RFTN1: variants seen among roughly 807,000 people sequenced by gnomAD.
RFTN1 encodes the protein raftlin, lipid raft linker 1.
In RFTN1, 26 loss-of-function variants were observed where a neutral mutation model predicts 46.5. The ratio of observed to expected loss-of-function variants is 0.56; its 90% confidence interval spans 0.41 to 0.78. RFTN1 has a LOEUF of 0.78. Ranked by LOEUF, RFTN1 falls within the 30% of genes least tolerant of loss-of-function variation. RFTN1 has a pLI of 0.00. For missense variants in RFTN1, 693 were observed against 718.7 expected (o/e 0.96, Z 0.41); for synonymous variants, 261 against 284.2 (o/e 0.92, Z 0.82).
chr3:16,369,199 T>C (rs1427056420), intron 6 of RFTN1, among the ~76,000 whole-genome samples: 5 of 152,248 alleles, frequency 3.3e-5, no homozygotes, highest in African/African-American at 9.6e-5. Flanking sequence ...ATTTCAAGGA[T>C]TGCAAACAAT....
At chr3:16,386,330 T>C (rs1223263874) in intron 4 of RFTN1, among the ~76,000 whole-genome samples, 1 of 152,236 alleles carries the variant, frequency 6.6e-6, no homozygotes, top group Admixed American at 6.5e-5. Context: ...ACTGAGAGCT[T>C]ACTGTATGCC....
Position 16,449,057 on chromosome 3 carries a change from T to C in RFTN1, c.146-15020A>G, listed in dbSNP as rs2075781796. ...GTGGTATTAATGTTTCAACTTAACATAGTTTTCCCCTTCCTGTACTTTCTG... is the reference window on the plus strand; with the variant it reads ...GTGGTATTAATGTTTCAACTTAACACAGTTTTCCCCTTCCTGTACTTTCTG... On this transcript the variant is annotated intron_variant, in intron 2 of 9. Transcript: ENST00000334133. This position sits in a 1 kb window ranked among gnomAD's most constrained non-coding sequence, Gnocchi z 5.1. Among the ~76,000 whole-genome samples the C allele has an allele frequency of 1.3e-5, 2 of 152,330 alleles. No individual in the cohort carries two copies. The highest frequency in any genetic ancestry group is 4.1e-4 in the South Asian group (2 of 4,824).
intron 3 of RFTN1, among the ~76,000 whole-genome samples, chr3:16,415,292 T>C (rs1386182578): frequency 6.6e-6 from 1 of 151,526 alleles, no homozygotes; most frequent in South Asian, 2.1e-4. Context: ...AGAACTATCA[T>C]GGGGAAGGGT....
Position 16,383,311 on chromosome 3 carries a change from C to G in RFTN1, c.442-5209G>C, listed in dbSNP as rs369182721. ...ATTTCTGCTGCCTGTAAGAACCCAC[C>G]TGCCCCAAATACTTAAAGAGTAACA... On this transcript the variant is annotated intron_variant, in intron 4 of 9. Transcript: ENST00000334133. The surrounding 1 kb of genome is among the most constrained non-coding windows in gnomAD (Gnocchi z 4.0). Among the ~76,000 whole-genome samples, 18 of 152,298 alleles carry G rather than the reference C, an allele frequency of 1.2e-4. No homozygotes were observed. In the East Asian group the frequency reaches 3.5e-3, roughly 29 times the overall value.
In RFTN1 at chr3:16,341,630, T is replaced by TA. The variant is rs1053810858; in HGVS notation, c.1147-14755dup. Reference sequence around the variant, plus strand: ...CTCTAAAATATAAAGTTTATTTTTCTAAAAAAAAGTAAGGACCTTGAATCA... The same window carrying TA: ...CTCTAAAATATAAAGTTTATTTTTCTAAAAAAAAAGTAAGGACCTTGAATCA... On this transcript the variant is annotated intron_variant, in intron 7 of 9. Transcript: ENST00000334133. The surrounding 1 kb of genome is among the most constrained non-coding windows in gnomAD (Gnocchi z 4.7). Among the ~76,000 whole-genome samples, 7 of 151,914 alleles carry TA rather than the reference T, an allele frequency of 4.6e-5. No homozygotes were observed. Among genetic ancestry groups the TA allele is most frequent in the Non-Finnish European group, 7.4e-5 (5 of 67,982 alleles).
Position 16,418,140 on chromosome 3 carries a change from A to G in RFTN1, c.333-8657T>C, listed in dbSNP as rs2075119622. On this transcript the variant is annotated intron_variant, in intron 3 of 9. Coordinates refer to ENST00000334133, the MANE Select transcript of RFTN1 (RefSeq NM_015150.2). This position sits in a 1 kb window ranked among gnomAD's most constrained non-coding sequence, Gnocchi z 5.0. ...ATGAGTGCTTTCAATATTGGTAATT[A>G]TCACAGGCAAAACAGTTAACCCTCA... is the stretch of plus-strand genomic sequence containing the variant. Among the ~76,000 whole-genome samples, 1 of 152,250 alleles carries G rather than the reference A, an allele frequency of 6.6e-6. No individual in the cohort carries two copies. Among genetic ancestry groups the G allele is most frequent in the Admixed American group, 6.5e-5 (1 of 15,292 alleles).
intron 3 of RFTN1, among the ~76,000 whole-genome samples, chr3:16,414,032 A>G (rs1162123769): frequency 4.6e-5 from 7 of 152,334 alleles, no homozygotes; most frequent in Admixed American, 4.6e-4. Flanking sequence ...AACAAATCCT[A>G]CCTGCTACTG....
chr3:16,477,560 C>G (rs905312029), intron 2 of RFTN1, among the ~76,000 whole-genome samples: 4 of 152,152 alleles, frequency 2.6e-5, no homozygotes, highest in Admixed American at 6.5e-5. Context: ...GTTGTATCTA[C>G]AAATAAACAA....
chr3:16,317,022 C>T lies in RFTN1; in HGVS notation c.1543G>A (p.Asp515Asn), dbSNP rs1376745804. 4 of 1,613,680 alleles carry T rather than the reference C, an allele frequency of 2.5e-6. No homozygotes were observed. The highest frequency in any genetic ancestry group is 3.4e-6 in the Non-Finnish European group (4 of 1,179,848). The change falls in exon 10 of 10, where the codon GAC becomes AAC. Residue 515 changes from aspartate to asparagine, a missense_variant. Physicochemically the swap from Asp to Asn is conservative, Grantham distance 23 (BLOSUM62 1). Coordinates refer to ENST00000334133, the MANE Select transcript of RFTN1 (RefSeq NM_015150.2). The surrounding 1 kb of genome is among the most constrained non-coding windows in gnomAD (Gnocchi z 4.3). ...SEEMKGPVQEDKGEQLSPGGL... is the reference protein window; with the variant it reads ...SEEMKGPVQENKGEQLSPGGL... ...CCAGGGGACAGCTGTTCTCCCTTGT[C>T]CTCTTGGACAGGGCCCTTCATCTCC... is the stretch of plus-strand genomic sequence containing the variant.
chr3:16,397,770 C>T (rs867718957), intron 4 of RFTN1, among the ~76,000 whole-genome samples: 17 of 139,202 alleles, frequency 1.2e-4, no homozygotes, highest in East Asian at 4.1e-4. Flanking sequence ...TATTTGGTCT[C>T]GGTCTCTCTC....
rs1276006219 is a variant in RFTN1, at chr3:16,477,151, A to G, written c.145+16574T>C. 3.3e-5 allele frequency among the ~76,000 whole-genome samples: 5 copies of G among 152,292 alleles called. No homozygotes were observed. In the East Asian group the frequency reaches 5.8e-4, roughly 18 times the overall value. On this transcript the variant is annotated intron_variant, in intron 2 of 9. Transcript: ENST00000334133. ...TGCTCACATGGCATCAGCTACCTCA[A>G]TGCATGGTTGTTTCTTTAATGGGGA...
intron 4 of RFTN1, among the ~76,000 whole-genome samples, chr3:16,401,671 G>A (rs1172834516): frequency 6.6e-6 from 1 of 152,126 alleles, no homozygotes; most frequent in Non-Finnish European, 1.5e-5. Context: ...TTATGAATTG[G>A]CAAAAAACTG....
rs1030267793 is a variant in RFTN1 at position 16,356,612 on chromosome 3, A to G, written c.1146+1320T>C. ...CCCCCACCATCCCATCTCCACTTCA[A>G]TAACCAGGCAAGGGACTGCCTCAAG... On this transcript the variant is annotated intron_variant, in intron 7 of 9. Transcript: ENST00000334133. The surrounding 1 kb of genome is among the most constrained non-coding windows in gnomAD (Gnocchi z 4.9). 3.9e-5 allele frequency among the ~76,000 whole-genome samples: 6 copies of G among 152,204 alleles called. No individual in the cohort carries two copies. Among genetic ancestry groups the G allele is most frequent in the Non-Finnish European group, 7.3e-5 (5 of 68,036 alleles).
At chr3:16,508,586 G>C (rs1010081069) in intron 1 of RFTN1, among the ~76,000 whole-genome samples, 1 of 152,162 alleles carries the variant, frequency 6.6e-6, no homozygotes, top group African/African-American at 2.4e-5. Context: ...AAAGTGTCTT[G>C]ATAAAACATG....
chr3:16,493,154 G>A (rs904753240), intron 2 of RFTN1, among the ~76,000 whole-genome samples: 1 of 152,112 alleles, frequency 6.6e-6, no homozygotes, highest in Non-Finnish European at 1.5e-5. Flanking sequence ...AAACTGGTTG[G>A]CTCATGGGCC....
Position 16,362,125 on chromosome 3 carries a change from G to A in RFTN1, c.1031-4078C>T, listed in dbSNP as rs183366922. Among the ~76,000 whole-genome samples the A allele has an allele frequency of 1.2e-4, 18 of 152,268 alleles. No individual in the cohort carries two copies. The East Asian group carries it at 1.7e-3, about 15-fold the overall frequency. On this transcript the variant is annotated intron_variant, in intron 6 of 9. Coordinates refer to ENST00000334133, the MANE Select transcript of RFTN1 (RefSeq NM_015150.2). ...TCCAGAATAATAGGAAGGCCTAACC[G>A]GTTCAACAAACCATGGCTGTAAGGT...
chr3:16,490,453 G>C lies in RFTN1; in HGVS notation c.145+3272C>G, dbSNP rs550034730. On this transcript the variant is annotated intron_variant, in intron 2 of 9. Transcript: ENST00000334133. Reference sequence around the variant, plus strand: ...ACACACTGTCCTCCAGGGAACAATAGGGGGAGGATCTGGGAAGGGCAAGAC... The same window carrying C: ...ACACACTGTCCTCCAGGGAACAATACGGGGAGGATCTGGGAAGGGCAAGAC... 4.6e-5 allele frequency among the ~76,000 whole-genome samples: 7 copies of C among 152,312 alleles called. No homozygotes were observed. In the South Asian group the frequency reaches 8.3e-4, roughly 18 times the overall value.
chr3:16,379,878 T>C (rs1044126602), intron 4 of RFTN1, among the ~76,000 whole-genome samples: 19 of 152,180 alleles, frequency 1.2e-4, no homozygotes, highest in Admixed American at 7.9e-4. Flanking sequence ...CCAAAGAACT[T>C]TGGAGGCTGA....
At chr3:16,373,805 C>T (rs1195991804) in intron 5 of RFTN1, among the ~76,000 whole-genome samples, 3 of 152,156 alleles carry the variant, frequency 2.0e-5, no homozygotes, top group African/African-American at 7.2e-5. Context: ...CTGCTGAGGT[C>T]ATGGGCAGAA....
Sources: gnomAD v4.1 joint callset for allele counts (sites outside exome capture counted in the v4.1 genomes callset) on GRCh38, gnomAD v4.1.1 for gene constraint, Gnocchi (gnomAD v3.1) non-coding constraint, MANE v1.5 for transcripts, NCBI Gene and HGNC (gene_info 2026-07-23, HGNC 2026-07-21) for gene names.